Variants in TTC39B observed in about 807,000 individuals in gnomAD.
TTC39B encodes tetratricopeptide repeat domain 39B, also known as tetratricopeptide repeat protein 39B.
TTC39B carries 92 observed loss-of-function variants against 96.6 expected under a neutral mutation model. The ratio of observed to expected loss-of-function variants is 0.95; its 90% CI spans 0.80 to 1.13. The LOEUF (loss-of-function observed/expected upper bound fraction) is 1.13, where lower values mean the gene tolerates loss of function less well. TTC39B is among the 50% of genes most tolerant of loss of function. The probability of loss-of-function intolerance (pLI) is 0.00; values close to 1 mark genes in which losing one functional copy is unlikely to be tolerated. For synonymous variants in TTC39B, 367 were observed against 299.4 expected (o/e 1.23, Z -2.33); for missense variants, 955 against 809.3 (o/e 1.18, Z -2.18).
chr9:15,260,123 A>G (rs56257383), intron 2 of TTC39B, among the ~76,000 whole-genome samples: 1 of 152,118 alleles, frequency 6.6e-6, no homozygotes, highest in African/African-American at 2.4e-5. Flanking sequence ...GTTTAAAAAA[A>G]TTCTCTGAGT....
In TTC39B at chr9:15,275,569, G is replaced by A. The variant is rs577438600; in HGVS notation, c.241-7621C>T. Among the ~76,000 whole-genome samples the A allele has an allele frequency of 3.9e-5, 6 of 152,304 alleles. No homozygotes were observed. In the South Asian group the frequency reaches 1.0e-3, roughly 26 times the overall value. ...GTGAAACTGCAGCAAAAGAGTCCTT[G>A]CTTTAAGGAAGTCTTCTGGGAGAAG... is the stretch of plus-strand genomic sequence containing the variant. On this transcript the variant is annotated intron_variant, in intron 1 of 19. Coordinates refer to ENST00000512701, the Ensembl canonical transcript of TTC39B.
At chr9:15,227,150 T>C (rs1392288804) in intron 2 of TTC39B, among the ~76,000 whole-genome samples, 10 of 151,998 alleles carry the variant, frequency 6.6e-5, no homozygotes, top group Non-Finnish European at 1.5e-5. Flanking sequence ...CTACTAAAAA[T>C]ACAAAAATTA....
intron 2 of TTC39B, among the ~76,000 whole-genome samples, chr9:15,262,193 G>A (rs1296208454): frequency 1.3e-5 from 2 of 152,100 alleles, no homozygotes; most frequent in Admixed American, 6.5e-5. Flanking sequence ...CGGCCTCCCG[G>A]GTTCAAGTGA....
chr9:15,281,936 C>T (rs1823781382), intron 1 of TTC39B, among the ~76,000 whole-genome samples: 1 of 152,108 alleles, frequency 6.6e-6, no homozygotes, highest in East Asian at 1.9e-4. Context: ...CCTCAGCCTC[C>T]CAAAGTGTTG....
At chr9:15,190,263 T>C (rs1287089274) in intron 11 of TTC39B, among the ~76,000 whole-genome samples, 1 of 152,324 alleles carries the variant, frequency 6.6e-6, no homozygotes, top group African/African-American at 2.4e-5. Flanking sequence ...TAAACAGATA[T>C]GAACTACTAG....
intron 2 of TTC39B, among the ~76,000 whole-genome samples, chr9:15,244,783 A>G (rs1207419450): frequency 1.3e-5 from 2 of 152,200 alleles, no homozygotes; most frequent in Admixed American, 1.3e-4. Context: ...ATATTTTCAG[A>G]TGTAGAGCAA....
At chr9:15,302,410 T>A (rs375409102) in intron 1 of TTC39B, among the ~76,000 whole-genome samples, 2 of 140,582 alleles carry the variant, frequency 1.4e-5, no homozygotes, top group African/African-American at 5.4e-5. Flanking sequence ...AGGTCAGGAG[T>A]TCGAGACCAG....
intron 17 of TTC39B, among the ~76,000 whole-genome samples, chr9:15,180,780 G>T (rs1818209040): frequency 6.6e-6 from 1 of 152,184 alleles, no homozygotes; most frequent in South Asian, 2.1e-4. Context: ...GTGGGAAGGA[G>T]AACAGGAGAT....
At chr9:15,236,927 CAAG>C (rs1305508966) in intron 2 of TTC39B, among the ~76,000 whole-genome samples, 1 of 151,620 alleles carries the variant, frequency 6.6e-6, no homozygotes, top group African/African-American at 2.4e-5. Context: ...ACTAGAAAAA[CAAG>C]AACAAACCAA....
At chr9:15,266,642 C>A (rs1823141245) in intron 2 of TTC39B, among the ~76,000 whole-genome samples, 1 of 152,046 alleles carries the variant, frequency 6.6e-6, no homozygotes, top group Admixed American at 6.5e-5. Context: ...CAAACGGTGC[C>A]CCTCTACCCC....
intron 1 of TTC39B, among the ~76,000 whole-genome samples, chr9:15,270,102 G>A (rs377767247): frequency 9.8e-4 from 149 of 152,010 alleles, no homozygotes; most frequent in African/African-American, 3.4e-3. Context: ...CTCAGGAGGC[G>A]GAGCTTGCAG....
chr9:15,168,810 T>C (rs1336062852), exon 20 of TTC39B: 1 of 51,754 alleles, frequency 1.9e-5, no homozygotes, highest in African/African-American at 1.2e-4. Flanking sequence ...AGACTCTGTC[T>C]CAATAAAATA....
intron 1 of TTC39B, among the ~76,000 whole-genome samples, chr9:15,269,716 G>C (rs1230014151): frequency 6.7e-6 from 1 of 149,928 alleles, no homozygotes; most frequent in Non-Finnish European, 1.5e-5. Flanking sequence ...TTAGCTGGGC[G>C]TGGTGACATG....
At chr9:15,200,975 G>A (rs774773770) in intron 7 of TTC39B, among the ~76,000 whole-genome samples, 1 of 152,134 alleles carries the variant, frequency 6.6e-6, no homozygotes. Context: ...CTCCAGCCTG[G>A]TGACAGAGCG....
chr9:15,268,412 C>T (rs1286963656), intron 1 of TTC39B, among the ~76,000 whole-genome samples: 2 of 152,154 alleles, frequency 1.3e-5, no homozygotes, highest in Non-Finnish European at 2.9e-5. Context: ...CCCCAGTTTA[C>T]TCTGTGCCAC....
chr9:15,226,093 TAA>T (rs1418040458), intron 2 of TTC39B, 81 bp from the exon 3 acceptor site: 4 of 1,168,778 alleles, frequency 3.4e-6, no homozygotes, highest in South Asian at 2.8e-5. Context: ...TTACACAACA[TAA>T]GTCTTCCAAT....
chr9:15,280,409 G>T (rs1298935028), intron 1 of TTC39B, among the ~76,000 whole-genome samples: 1 of 152,162 alleles, frequency 6.6e-6, no homozygotes, highest in Non-Finnish European at 1.5e-5. Flanking sequence ...TACCGCATTG[G>T]ATGCTTTGAG....
intron 2 of TTC39B, among the ~76,000 whole-genome samples, chr9:15,244,344 C>T (rs1220870747): frequency 6.6e-6 from 1 of 152,222 alleles, no homozygotes; most frequent in Non-Finnish European, 1.5e-5. Flanking sequence ...CATAGCAGAC[C>T]ACTGTGTTCC....
intron 19 of TTC39B, among the ~76,000 whole-genome samples, chr9:15,172,870 G>C (rs114620360): frequency 6.6e-6 from 1 of 152,128 alleles, no homozygotes; most frequent in Admixed American, 6.6e-5. Context: ...CTTGATGTGG[G>C]TTAGTAAAAT....
Sources: allele counts gnomAD v4.1 joint callset (sites outside exome capture counted in the v4.1 genomes callset), GRCh38; gene constraint gnomAD v4.1.1; transcripts MANE v1.5; gene names NCBI Gene and HGNC (gene_info 2026-07-23, HGNC 2026-07-21).